KIAA1549: variants seen among roughly 807,000 people sequenced by gnomAD.
KIAA1549 encodes the protein KIAA1549, also known as UPF0606 protein KIAA1549.
In KIAA1549, 70 loss-of-function variants were observed where a neutral mutation model predicts 156.4. The ratio of observed to expected loss-of-function variants is 0.45; its 90% CI spans 0.37 to 0.55. The LOEUF (loss-of-function observed/expected upper bound fraction) is 0.55. Among genes scored for constraint, KIAA1549 ranks in the 20% least tolerant of loss-of-function variants. KIAA1549 has a pLI of 0.00. For missense variants in KIAA1549, 2,428 were observed against 2,540.9 expected (o/e 0.96, Z 0.96); for synonymous variants, 1,103 against 1,066.4 (o/e 1.03, Z -0.67).
chr7:138,835,236 A>T lies in KIAA1549; in HGVS notation c.*2670T>A, dbSNP rs1809673805. ...GTTTTTTCTGAGTTTGGTGACTGGC[A>T]AAACTGTTGTGGCAGGCGTCGAGAG... On this transcript the variant is annotated 3_prime_UTR_variant, in exon 20 of 20. Coordinates refer to ENST00000422774, the MANE Select transcript of KIAA1549 (RefSeq NM_001164665.2). The T allele has an allele frequency of 4.7e-6, 1 of 214,806 alleles. No homozygotes were observed. The highest frequency in any genetic ancestry group is 1.9e-4 in the South Asian group (1 of 5,386). The allele number at this position is 214,806 out of a possible 1,614,324, so 13.3% of individuals were successfully genotyped here. A position where few individuals can be genotyped will look rare whatever the true frequency, so the allele number is the denominator to read the frequency against.
chr7:138,914,563 C>T (rs1276303423), intron 2 of KIAA1549, among the ~76,000 whole-genome samples: 1 of 152,142 alleles, frequency 6.6e-6, no homozygotes, highest in Non-Finnish European at 1.5e-5. Context: ...TCACCTCAAC[C>T]CCCTCACCAC....
At chr7:138,898,239 A>G (rs1330848810) in intron 9 of KIAA1549, among the ~76,000 whole-genome samples, 1 of 148,050 alleles carries the variant, frequency 6.8e-6, no homozygotes, top group East Asian at 2.1e-4. Context: ...CCCGGGAGGC[A>G]GAGGTTGCAG....
intron 1 of KIAA1549, among the ~76,000 whole-genome samples, chr7:138,967,794 C>T (rs937730977): frequency 2.4e-4 from 36 of 152,156 alleles, no homozygotes; most frequent in Non-Finnish European, 1.6e-4. Context: ...TGCTACAAGC[C>T]AAGGGCAACA....
rs377080144 is a variant in KIAA1549, at chr7:138,911,317, C to T, written c.2974G>A (p.Glu992Lys). 3.1e-5 allele frequency: 49 copies of T among 1,585,176 alleles called. No homozygotes were observed. Among genetic ancestry groups the T allele is most frequent in the Non-Finnish European group, 3.7e-5 (43 of 1,163,698 alleles). The change falls in exon 4 of 20, where the codon GAA becomes AAA. Residue 992 changes from glutamate (E) to lysine (K), a missense_variant. By Grantham distance (56) the Glu-to-Lys change is moderately conservative. Coordinates refer to ENST00000422774, the MANE Select transcript of KIAA1549 (RefSeq NM_001164665.2). Reference protein sequence around the residue: ...FNRAVELKVYELFTDFTFLVT... With the variant: ...FNRAVELKVYKLFTDFTFLVT... ...AGAAAAGTGAAGTCAGTAAATAGTTCGTAAACCTAGGGAAATAAGAAATAC... is the reference window on the plus strand; with the variant it reads ...AGAAAAGTGAAGTCAGTAAATAGTTTGTAAACCTAGGGAAATAAGAAATAC...
rs1584976872 is a variant in KIAA1549 at position 138,837,246 on chromosome 7, A to T, written c.*660T>A. On this transcript the variant is annotated 3_prime_UTR_variant, in exon 20 of 20. Transcript: ENST00000422774. ...CTTCCACTGAAAAAGCCAAAGTTCC[A>T]TTTCAGACATGAAGGTGAAGGGCCC... is the stretch of plus-strand genomic sequence containing the variant. 2 of 227,766 alleles carry T rather than the reference A, an allele frequency of 8.8e-6. No individual in the cohort carries two copies. The highest frequency in any genetic ancestry group is 1.3e-4 in the East Asian group (2 of 15,752). 14.1% of individuals were successfully genotyped at this position (227,766 alleles called of 1,614,324 possible). A position where few individuals can be genotyped will look rare whatever the true frequency, so the allele number is the denominator to read the frequency against.
At chr7:138,938,661 T>C (rs1310317047) in intron 1 of KIAA1549, among the ~76,000 whole-genome samples, 1 of 152,238 alleles carries the variant, frequency 6.6e-6, no homozygotes, top group East Asian at 1.9e-4. Flanking sequence ...TTTCTAAAAC[T>C]GCAGTCCCTT....
chr7:138,856,036 ATT>A (rs57818656), intron 16 of KIAA1549, among the ~76,000 whole-genome samples: 3 of 141,734 alleles, frequency 2.1e-5, no homozygotes, highest in African/African-American at 2.6e-5. Context: ...TATTTATTTT[ATT>A]TTTTTTTTTT....
intron 1 of KIAA1549, among the ~76,000 whole-genome samples, chr7:138,951,734 A>G (rs767009241): frequency 2.6e-5 from 4 of 152,220 alleles, no homozygotes; most frequent in Non-Finnish European, 5.9e-5. Context: ...AATGGGGCAA[A>G]TACTCTTGAA....
intron 1 of KIAA1549, among the ~76,000 whole-genome samples, chr7:138,951,061 T>C (rs1813483288): frequency 6.6e-6 from 1 of 152,080 alleles, no homozygotes; most frequent in Non-Finnish European, 1.5e-5. Flanking sequence ...TCTGGTTTTT[T>C]TGTTTTGTTT....
rs977937663 is a variant in KIAA1549 at position 138,954,361 on chromosome 7, T to C, written c.187+26722A>G. The stretch of plus-strand genomic sequence containing the variant: ...GGCCTCACGGGGCATGGCTAAGTCG[T>C]ACTGTGGGCCATTCCTGCAGGGACA... On this transcript the variant is annotated intron_variant, in intron 1 of 19. Coordinates refer to ENST00000422774, the MANE Select transcript of KIAA1549 (RefSeq NM_001164665.2). Among the ~76,000 whole-genome samples the C allele has an allele frequency of 2.6e-5, 4 of 152,124 alleles. No individual in the cohort carries two copies. In the South Asian group the frequency reaches 8.3e-4, roughly 32 times the overall value.
At chr7:138,916,368 CT>C (rs1216471500) in intron 2 of KIAA1549, among the ~76,000 whole-genome samples, 1 of 152,232 alleles carries the variant, frequency 6.6e-6, no homozygotes, top group Non-Finnish European at 1.5e-5. Context: ...ACTTCCAAGG[CT>C]TGTTTAGTTC....
intron 17 of KIAA1549, among the ~76,000 whole-genome samples, chr7:138,848,717 T>C (rs1203110133): frequency 2.6e-5 from 4 of 152,236 alleles, no homozygotes; most frequent in African/African-American, 9.6e-5. Context: ...GTTCTTTTTC[T>C]ATTTTTTTAG....
chr7:138,964,150 C>T (rs1813943829), intron 1 of KIAA1549, among the ~76,000 whole-genome samples: 1 of 152,224 alleles, frequency 6.6e-6, no homozygotes, highest in Admixed American at 6.5e-5. Context: ...CTAGGCCAGG[C>T]TGTGACTTCA....
At chr7:138,944,886 G>A (rs895795870) in intron 1 of KIAA1549, among the ~76,000 whole-genome samples, 3 of 152,206 alleles carry the variant, frequency 2.0e-5, no homozygotes, top group African/African-American at 7.2e-5. Flanking sequence ...CAGGGGCGAG[G>A]AGGGTGCAAT....
At position 138,840,200 on chromosome 7, in the gene KIAA1549, C is replaced by A. The variant is rs1235510319; in HGVS notation, c.5531G>T (p.Arg1844Ile). 6.4e-7 allele frequency: 1 copy of A among 1,571,696 alleles called. No homozygotes were observed. The highest frequency in any genetic ancestry group is 8.6e-7 in the Non-Finnish European group (1 of 1,158,470). ...GCCTGGCCCCCCATACTGGCTGCCT[C>A]TGCTTGGCGGGATTTCCACTGGCTG... is the stretch of plus-strand genomic sequence containing the variant. ...GAQPVEIPPS[R>I]GSQYGGPGWP... is the part of the protein sequence containing the mutation. The change falls in exon 19 of 20, where the codon AGA (arginine) becomes ATA (isoleucine). Residue 1844 changes from arginine to isoleucine, a missense_variant. Arg to Ile is a moderately conservative substitution (Grantham distance 97). Transcript: ENST00000422774.
At chr7:138,865,475 T>A (rs964302086) in intron 15 of KIAA1549, among the ~76,000 whole-genome samples, 3 of 151,808 alleles carry the variant, frequency 2.0e-5, no homozygotes, top group African/African-American at 7.3e-5. Context: ...CCACTGATTC[T>A]AAAATACAAG....
intron 1 of KIAA1549, among the ~76,000 whole-genome samples, chr7:138,937,425 A>C (rs1813048311): frequency 6.6e-6 from 1 of 152,200 alleles, no homozygotes; most frequent in Non-Finnish European, 1.5e-5. Context: ...AGTCCAACAA[A>C]CACCTACCGG....
At chr7:138,844,183 A>G in intron 18 of KIAA1549, 134 bp downstream of exon 18, 2 of 991,046 alleles carry the variant, frequency 2.0e-6, no homozygotes, top group South Asian at 1.4e-5. Flanking sequence ...CTCGGTCAGG[A>G]TATGAGGGGA....
chr7:138,882,210 A>G (rs1398078158), intron 10 of KIAA1549, among the ~76,000 whole-genome samples: 3 of 152,246 alleles, frequency 2.0e-5, no homozygotes, highest in Admixed American at 6.5e-5. Context: ...GGCCATGCGC[A>G]TAAAACCACA....
Sources: gnomAD v4.1 joint callset for allele counts (sites outside exome capture counted in the v4.1 genomes callset) on GRCh38, gnomAD v4.1.1 for gene constraint, MANE v1.5 for transcripts, NCBI Gene and HGNC (gene_info 2026-07-23, HGNC 2026-07-21) for gene names.